PTPRD: variants seen among roughly 807,000 people sequenced by gnomAD.
The protein encoded by PTPRD is receptor-type tyrosine-protein phosphatase delta.
In PTPRD, 34 loss-of-function variants were observed where a neutral mutation model predicts 214.5. That is an observed-to-expected ratio of 0.16 (90% confidence interval 0.12 to 0.21). The LOEUF (loss-of-function observed/expected upper bound fraction) is 0.21, where lower values mean the gene tolerates loss of function less well. PTPRD is among the 10% of genes least tolerant of loss of function. The pLI is 1.00. For missense variants in PTPRD, 2,545 were observed against 2,398.7 expected (o/e 1.06, Z -1.27); for synonymous variants, 1,128 against 845.7 (o/e 1.33, Z -5.79).
chr9:9,737,988 A>C (rs1269248287), intron 6 of PTPRD, among the ~76,000 whole-genome samples: 1 of 150,930 alleles, frequency 6.6e-6, no homozygotes, highest in East Asian at 2.0e-4. Flanking sequence ...GCCAACACTT[A>C]TTTTCTATTT....
intron 7 of PTPRD, among the ~76,000 whole-genome samples, chr9:9,663,666 A>G (rs191940058): frequency 6.6e-6 from 1 of 151,672 alleles, no homozygotes; most frequent in East Asian, 1.9e-4. Flanking sequence ...TATCCAAATG[A>G]TCACTAACAC....
chr9:9,228,829 T>G (rs1449491424), intron 9 of PTPRD, among the ~76,000 whole-genome samples: 1 of 152,126 alleles, frequency 6.6e-6, no homozygotes, highest in Non-Finnish European at 1.5e-5. Flanking sequence ...TTCTTATAGT[T>G]ACTTACTCCT....
chr9:10,006,121 A>AT (rs60132953), intron 4 of PTPRD, among the ~76,000 whole-genome samples: 73,542 of 151,816 alleles, frequency 0.48, 21,186 homozygotes, highest in Middle Eastern at 0.67. Context: ...ATTGCTTTTC[A>AT]TTTTTAGATT....
At chr9:9,589,402 CT>C (rs1295258137) in intron 7 of PTPRD, among the ~76,000 whole-genome samples, 2 of 151,338 alleles carry the variant, frequency 1.3e-5, no homozygotes, top group African/African-American at 4.9e-5. Context: ...TTCTCTCTTT[CT>C]CTTACATATT....
At chr9:10,275,226 A>G (rs1459120311) in intron 3 of PTPRD, among the ~76,000 whole-genome samples, 1 of 152,116 alleles carries the variant, frequency 6.6e-6, no homozygotes, top group African/African-American at 2.4e-5. Flanking sequence ...AAAAAACTTT[A>G]AATTCTGATA....
intron 4 of PTPRD, among the ~76,000 whole-genome samples, chr9:9,955,003 G>A (rs912100683): frequency 1.3e-5 from 2 of 152,024 alleles, no homozygotes; most frequent in African/African-American, 4.8e-5. Flanking sequence ...AATGTTAAAG[G>A]CCTCCCACTA....
chr9:9,769,352 G>C (rs71497155), intron 5 of PTPRD, among the ~76,000 whole-genome samples: 16,376 of 109,142 alleles, frequency 0.15, 1,765 homozygotes, highest in African/African-American at 0.3. Flanking sequence ...TTGAGATGGA[G>C]TCTCACTGTG....
intron 35 of PTPRD, 70 bp downstream of exon 35, chr9:8,436,522 C>A: frequency 8.1e-7 from 1 of 1,235,030 alleles, no homozygotes; most frequent in South Asian, 1.3e-5. Context: ...AGTTAATTTT[C>A]AAGAATATGG....
chr9:9,068,135 A>T (rs566118873), intron 10 of PTPRD, among the ~76,000 whole-genome samples: 7 of 152,240 alleles, frequency 4.6e-5, no homozygotes, highest in Non-Finnish European at 8.8e-5. Context: ...TACTTAGCAT[A>T]ATTTTCTCGA....
At chr9:10,463,921 A>T (rs886546214) in intron 2 of PTPRD, among the ~76,000 whole-genome samples, 1 of 152,190 alleles carries the variant, frequency 6.6e-6, no homozygotes, top group Non-Finnish European at 1.5e-5. Flanking sequence ...TTGAAAAAAT[A>T]AAATAGAATT....
intron 13 of PTPRD, among the ~76,000 whole-genome samples, chr9:8,636,247 C>G (rs1006916611): frequency 6.6e-6 from 1 of 152,150 alleles, no homozygotes; most frequent in African/African-American, 2.4e-5. Flanking sequence ...GGACTGTCCT[C>G]ATTCCCAGAA....
At chr9:8,608,076 T>C (rs563805188) in intron 14 of PTPRD, among the ~76,000 whole-genome samples, 3 of 152,214 alleles carry the variant, frequency 2.0e-5, no homozygotes, top group African/African-American at 7.2e-5. Flanking sequence ...TTTTCCATTA[T>C]TCAATTCCGC....
intron 3 of PTPRD, among the ~76,000 whole-genome samples, chr9:10,311,241 G>T (rs1596740459): frequency 6.6e-6 from 1 of 151,928 alleles, no homozygotes; most frequent in East Asian, 1.9e-4. Flanking sequence ...CTAACCCATA[G>T]GAGAAAAATT....
chr9:10,569,128 C>A (rs942735140), intron 2 of PTPRD, among the ~76,000 whole-genome samples: 1 of 152,034 alleles, frequency 6.6e-6, no homozygotes, highest in African/African-American at 2.4e-5. Flanking sequence ...ACAGACACTT[C>A]TAAAAAGAAG....
At chr9:9,056,833 T>C (rs551762859) in intron 10 of PTPRD, among the ~76,000 whole-genome samples, 1 of 152,354 alleles carries the variant, frequency 6.6e-6, no homozygotes, top group African/African-American at 2.4e-5. Flanking sequence ...CAGATTATTT[T>C]TAAGTGAACA....
intron 3 of PTPRD, among the ~76,000 whole-genome samples, chr9:10,099,513 T>C (rs1322929271): frequency 6.6e-6 from 1 of 151,760 alleles, no homozygotes; most frequent in Non-Finnish European, 1.5e-5. Context: ...GATATTATTA[T>C]TTTCTATTTT....
intron 4 of PTPRD, among the ~76,000 whole-genome samples, chr9:9,977,465 T>G (rs1386164574): frequency 1.3e-5 from 2 of 152,184 alleles, no homozygotes; most frequent in Non-Finnish European, 2.9e-5. Context: ...AAGTTTTTAA[T>G]GTTGAAAAAA....
intron 2 of PTPRD, among the ~76,000 whole-genome samples, chr9:10,534,759 C>A (rs1292392727): frequency 6.6e-6 from 1 of 152,126 alleles, no homozygotes; most frequent in Non-Finnish European, 1.5e-5. Flanking sequence ...TAATCATCTG[C>A]ATTTCTGCTT....
intron 2 of PTPRD, among the ~76,000 whole-genome samples, chr9:10,602,273 C>T (rs10481532): frequency 0.095 from 14,364 of 151,810 alleles, 948 homozygotes; most frequent in East Asian, 0.21. Flanking sequence ...TTAAAATTCA[C>T]ATAACATTTC....
Sources: allele counts gnomAD v4.1 joint callset (sites outside exome capture counted in the v4.1 genomes callset), GRCh38; gene constraint gnomAD v4.1.1; transcripts MANE v1.5; gene names NCBI Gene and HGNC (gene_info 2026-07-23, HGNC 2026-07-21).